MDN1: variants seen among roughly 807,000 people sequenced by gnomAD.
The protein encoded by MDN1 is midasin.
MDN1 carries 266 observed loss-of-function variants against 669.2 expected under a neutral mutation model. The ratio of observed to expected loss-of-function variants is 0.40; its 90% CI spans 0.36 to 0.44. The LOEUF (loss-of-function observed/expected upper bound fraction) is 0.44. Among genes scored for constraint, MDN1 ranks in the 20% least tolerant of loss-of-function variants. MDN1 has a pLI of 1.00. For missense variants in MDN1, 5,940 were observed against 6,754.0 expected, an observed-to-expected ratio of 0.88 and a Z score of 4.22; for synonymous variants, 2,385 against 2,457.1, an observed-to-expected ratio of 0.97 and a Z score of 0.87.
At position 89,698,879 on chromosome 6, in the gene MDN1, C is replaced by T; in HGVS notation, c.9154G>A (p.Asp3052Asn). 6.2e-7 allele frequency: 1 copy of T among 1,613,988 alleles called. No individual in the cohort carries two copies. Among genetic ancestry groups the T allele is most frequent in the Non-Finnish European group, 8.5e-7 (1 of 1,179,972 alleles). Reference protein sequence around the residue: ...QQREAPKSVLDSTLKGPGNLN... With the variant: ...QQREAPKSVLNSTLKGPGNLN... ...GACCAACAAACCTTCAATGTGGAGT[C>T]CAAAACAGACTTGGGTGCCTCCCTC... The change falls in exon 59 of 102, where the codon GAC (aspartate) becomes AAC (asparagine). Residue 3052 changes from aspartate to asparagine, a missense_variant. By Grantham distance (23) the Asp-to-Asn change is conservative (BLOSUM62 1). Transcript: ENST00000369393.
At chr6:89,698,240 C>A (rs1812901319) in intron 59 of MDN1, among the ~76,000 whole-genome samples, 1 of 152,162 alleles carries the variant, frequency 6.6e-6, no homozygotes, top group South Asian at 2.1e-4. Context: ...ACACTCTGAC[C>A]AAGGATTCAA....
chr6:89,770,386 G>A (rs1458590195), intron 15 of MDN1, among the ~76,000 whole-genome samples: 2 of 144,704 alleles, frequency 1.4e-5, no homozygotes, highest in African/African-American at 5.2e-5. Flanking sequence ...CCGTGACAGA[G>A]CAAGACTCTG....
intron 2 of MDN1, among the ~76,000 whole-genome samples, chr6:89,799,543 T>C (rs1489073293): frequency 2.0e-5 from 3 of 152,036 alleles, no homozygotes; most frequent in Non-Finnish European, 4.4e-5. Context: ...ATTAGCCAGG[T>C]GTGGTGGCAC....
At chr6:89,648,939 T>G (rs937963520) in intron 97 of MDN1, among the ~76,000 whole-genome samples, 7 of 150,064 alleles carry the variant, frequency 4.7e-5, no homozygotes, top group East Asian at 2.0e-4. Context: ...CAGTGAGCTA[T>G]GATCATGCCA....
Position 89,716,829 on chromosome 6 carries a change from A to C in MDN1, c.6584-20T>G. The C allele has an allele frequency of 6.3e-7, 1 of 1,591,218 alleles. No individual in the cohort carries two copies. The highest frequency in any genetic ancestry group is 8.6e-7 in the Non-Finnish European group (1 of 1,169,302). On this transcript the variant is annotated intron_variant, in intron 43 of 101. Coordinates refer to ENST00000369393, the MANE Select transcript of MDN1 (RefSeq NM_014611.3). The stretch of plus-strand genomic sequence containing the variant: ...CAAACTCTGAAATGTCACAGGGAAG[A>C]ATCACCATCCACAGCACTTAACTTC...
intron 14 of MDN1, 144 bp from the exon 15 acceptor site, chr6:89,771,765 G>A: frequency 1.5e-6 from 1 of 681,568 alleles, no homozygotes; most frequent in Non-Finnish European, 2.5e-6. Context: ...GTGGAGTGCA[G>A]TGGCCCAATC....
rs1355746879 is a variant in MDN1, at chr6:89,688,700, C to T, written c.11132G>A (p.Gly3711Glu). The T allele has an allele frequency of 6.2e-7, 1 of 1,614,112 alleles. No individual in the cohort carries two copies. Residue 3711 changes from glycine (G) to glutamate (E), a missense_variant, in exon 66 of 102, where the codon GGG (glycine) becomes GAG (glutamate). By Grantham distance (98) the Gly-to-Glu change is moderately conservative (BLOSUM62 -2). This residue lies in a region of MDN1 where 2,280 missense variants were observed against 2,576.3 expected (regional missense o/e 0.88). Coordinates refer to ENST00000369393, the MANE Select transcript of MDN1 (RefSeq NM_014611.3). The part of the protein sequence containing the change: ...APSDLMVKPD[G>E]PYDFYQHPNV... Reference sequence around the variant, plus strand: ...GGGATGCTGGTAGAAGTCATAGGGCCCATCAGGTTTCACCATCAGGTCTGA... The same window carrying T: ...GGGATGCTGGTAGAAGTCATAGGGCTCATCAGGTTTCACCATCAGGTCTGA...
chr6:89,809,993 T>TAA (rs61558155), intron 1 of MDN1, among the ~76,000 whole-genome samples: 925 of 52,782 alleles, frequency 0.018, 31 homozygotes, highest in East Asian at 0.042. Flanking sequence ...TCCGTTTCAC[T>TAA]AAAAAAAAAA....
chr6:89,646,644 A>G (rs767668618), intron 99 of MDN1, 41 bp from the exon 100 acceptor site: 8 of 1,521,500 alleles, frequency 5.3e-6, no homozygotes, highest in Non-Finnish European at 7.3e-6. Context: ...AAACTATGTG[A>G]ATGCTCTTCT....
At chr6:89,818,543 G>T (rs1248939488) in intron 1 of MDN1, among the ~76,000 whole-genome samples, 5 of 151,940 alleles carry the variant, frequency 3.3e-5, no homozygotes. Flanking sequence ...CCTGTCCCGT[G>T]GCTCACGCCT....
At chr6:89,804,193 A>G (rs993542551) in intron 1 of MDN1, among the ~76,000 whole-genome samples, 12 of 152,224 alleles carry the variant, frequency 7.9e-5, no homozygotes, top group Non-Finnish European at 8.8e-5. Context: ...TACAGGCGTG[A>G]GCCACCATGC....
Position 89,692,599 on chromosome 6 carries a change from C to T in MDN1, c.10431G>A (p.Lys3477=), listed in dbSNP as rs1812446462. Residue 3477 remains lysine, a synonymous_variant, in exon 63 of 102, where the codon AAG becomes AAA. Transcript: ENST00000369393. ...VLRGLGKLIL[K]RSGGKELEGK... is the part of the protein sequence containing the mutation. The stretch of plus-strand genomic sequence containing the variant: ...CTTCCAGCTCCTTTCCTCCTGAGCG[C>T]TTGAGGATTAGCTTCCCAAGGCCTC... 3 of 1,614,252 alleles carry T rather than the reference C, an allele frequency of 1.9e-6. No individual in the cohort carries two copies. In the East Asian group the frequency reaches 6.7e-5, roughly 36 times the overall value.
intron 15 of MDN1, among the ~76,000 whole-genome samples, chr6:89,770,825 C>T (rs751801521): frequency 4.6e-5 from 7 of 152,158 alleles, no homozygotes; most frequent in Non-Finnish European, 8.8e-5. Context: ...TTTAGATCAA[C>T]TGTACTGTAT....
In MDN1 at chr6:89,685,991, G is replaced by T. The variant is rs764088281; in HGVS notation, c.11573-18C>A. 44 of 1,608,766 alleles carry T rather than the reference G, an allele frequency of 2.7e-5. No individual in the cohort carries two copies. In the East Asian group the frequency reaches 9.8e-4, roughly 36 times the overall value. ...TTTGTCATCTTTAAAAATTCAAAGA[G>T]AAAAATATATATGTTCCTTCGACCA... On this transcript the variant is annotated intron_variant, in intron 69 of 101. Transcript: ENST00000369393.
At chr6:89,771,420 C>T in intron 15 of MDN1, 141 bp downstream of exon 15, 2 of 691,262 alleles carry the variant, frequency 2.9e-6, no homozygotes, top group East Asian at 5.7e-5. Flanking sequence ...CCAAAAGCTC[C>T]AATAAAGCCT....
intron 22 of MDN1, among the ~76,000 whole-genome samples, chr6:89,752,235 T>G (rs1195280136): frequency 6.6e-6 from 1 of 152,092 alleles, no homozygotes; most frequent in Non-Finnish European, 1.5e-5. Flanking sequence ...GCCTCCTCAG[T>G]TGAGTTGAGA....
At chr6:89,782,374 T>C (rs1017570005) in intron 9 of MDN1, among the ~76,000 whole-genome samples, 6 of 152,122 alleles carry the variant, frequency 3.9e-5, no homozygotes, top group South Asian at 2.1e-4. Context: ...TGTGGGCAGA[T>C]TGCCTGAGTC....
intron 3 of MDN1, 69 bp downstream of exon 3, chr6:89,794,508 C>G (rs1397020285): frequency 7.0e-7 from 1 of 1,430,868 alleles, no homozygotes; most frequent in Non-Finnish European, 9.8e-7. Context: ...CCTCCTGACA[C>G]ACACAACTCC....
chr6:89,736,709 A>C (rs531478974), intron 33 of MDN1, among the ~76,000 whole-genome samples: 1 of 152,128 alleles, frequency 6.6e-6, no homozygotes, highest in East Asian at 1.9e-4. Flanking sequence ...CAGGAGAATC[A>C]CCTGGGCCCA....
Sources: allele counts gnomAD v4.1 joint callset (sites outside exome capture counted in the v4.1 genomes callset), GRCh38; gene constraint gnomAD v4.1.1; regional missense constraint gnomAD v4.1.1; transcripts MANE v1.5; gene names NCBI Gene and HGNC (gene_info 2026-07-23, HGNC 2026-07-21).